The following AMPD1 variants were observed in gnomAD, a reference collection of about 807,000 sequenced individuals.
AMPD1 encodes the protein adenosine monophosphate deaminase 1, also known as AMP deaminase 1.
A neutral mutation model predicts 82.9 loss-of-function variants in AMPD1; 74 were observed. That is an observed-to-expected ratio of 0.89 (90% confidence interval 0.74 to 1.08). The LOEUF is 1.08. Ranked by LOEUF, AMPD1 falls within the 50% of genes least tolerant of loss-of-function variation. AMPD1 has a pLI of 0.00. For synonymous variants in AMPD1, 333 were observed against 320.5 expected (o/e 1.04, Z -0.42); for missense variants, 881 against 924.5 (o/e 0.95, Z 0.61).
At chr1:114,688,005 T>C (rs1658370277) in intron 3 of AMPD1, among the ~76,000 whole-genome samples, 1 of 152,146 alleles carries the variant, frequency 6.6e-6, no homozygotes, top group South Asian at 2.1e-4. Context: ...GTCCTCTTGC[T>C]TAGATGGGTA....
intron 10 of AMPD1, 104 bp from the exon 11 acceptor site, chr1:114,676,107 C>T (rs1018421685): frequency 1.8e-5 from 24 of 1,317,586 alleles, no homozygotes; most frequent in African/African-American, 4.4e-5. Flanking sequence ...CAGGAAAAGA[C>T]GTGGTATATC....
chr1:114,689,209 G>A (rs1658434705), intron 2 of AMPD1, among the ~76,000 whole-genome samples: 1 of 152,184 alleles, frequency 6.6e-6, no homozygotes, highest in Non-Finnish European at 1.5e-5. Context: ...GATCTAAGTA[G>A]TTCTGAGAAA....
Position 114,673,150 on chromosome 1 carries a change from G to T in AMPD1, c.2208C>A (p.Leu736=), listed in dbSNP as rs754006954. 1.9e-6 allele frequency: 3 copies of T among 1,613,898 alleles called. No individual in the cohort carries two copies. The highest frequency in any genetic ancestry group is 3.3e-5 in the Admixed American group (2 of 60,002). ...ATTTAAGACCCTCAGCAATTAAATT[G>T]AGTTCATAACACCAGGTTTCATAGC... ...AYRYETWCYE[L]NLIAEGLKST... The change falls in exon 16 of 16, where the codon CTC becomes CTA. Residue 736 remains leucine (L), a synonymous_variant. Transcript: ENST00000520113.
At chr1:114,694,010 G>A (rs1487803883) in intron 1 of AMPD1, among the ~76,000 whole-genome samples, 1 of 152,074 alleles carries the variant, frequency 6.6e-6, no homozygotes, top group East Asian at 1.9e-4. Context: ...GACCATCCTG[G>A]CTAATACAGA....
chr1:114,681,169 A>G (rs1224253994), intron 5 of AMPD1, among the ~76,000 whole-genome samples: 1 of 152,218 alleles, frequency 6.6e-6, no homozygotes, highest in Non-Finnish European at 1.5e-5. Flanking sequence ...GTCAAACTAC[A>G]GTTAAAAAAA....
intron 14 of AMPD1, 75 bp downstream of exon 14, chr1:114,673,830 CTTTA>C: frequency 1.3e-6 from 2 of 1,584,868 alleles, no homozygotes; most frequent in Non-Finnish European, 1.7e-6. Context: ...AATGAAATAC[CTTTA>C]TTTGACTTTC....
intron 4 of AMPD1, among the ~76,000 whole-genome samples, chr1:114,684,935 T>C (rs966675352): frequency 6.6e-6 from 1 of 152,192 alleles, no homozygotes; most frequent in Non-Finnish European, 1.5e-5. Flanking sequence ...AGAATTTTAT[T>C]TCTGGGTAAA....
At chr1:114,682,640 G>A (rs55838131) in intron 5 of AMPD1, among the ~76,000 whole-genome samples, 6,301 of 150,810 alleles carry the variant, frequency 0.042, 196 homozygotes, top group Non-Finnish European at 0.064. Context: ...GTGCAGTGGC[G>A]CGATCTCAGC....
intron 5 of AMPD1, among the ~76,000 whole-genome samples, chr1:114,680,900 A>G (rs1046237374): frequency 1.3e-5 from 2 of 152,170 alleles, no homozygotes; most frequent in South Asian, 4.1e-4. Flanking sequence ...TCCGGGAGGC[A>G]TACGTTGCAG....
intron 13 of AMPD1, among the ~76,000 whole-genome samples, chr1:114,674,531 G>A (rs1657924092): frequency 6.6e-6 from 1 of 152,190 alleles, no homozygotes; most frequent in South Asian, 2.1e-4. Context: ...GAAGTCAGGA[G>A]ATCTGCGTTA....
chr1:114,676,122 C>T (rs1363277439), intron 10 of AMPD1, 119 bp from the exon 11 acceptor site: 5 of 1,188,398 alleles, frequency 4.2e-6, no homozygotes, highest in Non-Finnish European at 6.1e-6. Context: ...TATATCTATC[C>T]TAGGTCCATG....
intron 1 of AMPD1, among the ~76,000 whole-genome samples, chr1:114,694,112 G>T (rs1422145478): frequency 6.6e-6 from 1 of 152,036 alleles, no homozygotes. Context: ...CCAACTACTC[G>T]GGAGACTGAG....
At position 114,680,284 on chromosome 1, in the gene AMPD1, G is replaced by A. The variant is rs753239588; in HGVS notation, c.742C>T (p.Leu248Phe). ...DTFLDDMNFL[L>F]ALIAQGPVKT... ...ACAGGTCCTTGAGCAATTAAAGCAA[G>A]TAAAAAATTCATATCGTCTAAGAAG... Residue 248 changes from leucine (L) to phenylalanine (F), a missense_variant, in exon 6 of 16, where the codon CTT (leucine) becomes TTT (phenylalanine). Transcript: ENST00000520113. 6.2e-7 allele frequency: 1 copy of A among 1,614,076 alleles called. No individual in the cohort carries two copies. Among genetic ancestry groups the A allele is most frequent in the South Asian group, 1.1e-5 (1 of 91,072 alleles).
intron 15 of AMPD1, 69 bp from the exon 16 acceptor site, chr1:114,673,341 C>G (rs149414790): frequency 6.4e-7 from 1 of 1,566,726 alleles, no homozygotes. Context: ...TAATTGCATT[C>G]TTTACAAAAA....
chr1:114,691,796 G>A (rs1467282333), intron 2 of AMPD1, among the ~76,000 whole-genome samples: 2 of 151,878 alleles, frequency 1.3e-5, no homozygotes, highest in East Asian at 1.9e-4. Context: ...GTGGTGGCAC[G>A]TGCCTGTAAT....
At chr1:114,679,003 G>C (rs1342534434) in intron 7 of AMPD1, among the ~76,000 whole-genome samples, 1 of 152,178 alleles carries the variant, frequency 6.6e-6, no homozygotes, top group Non-Finnish European at 1.5e-5. Context: ...TGTATAGGCA[G>C]CTGAGCCAGG....
In AMPD1 at chr1:114,688,580, T is replaced by G. The variant is rs1658388337; in HGVS notation, c.196A>C (p.Thr66Pro). Reference sequence around the variant, plus strand: ...ACTTACCTCCTGGCTTCTGTGGAGGTGGACAGAGTCTCCAGATGGAATATG... The same window carrying G: ...ACTTACCTCCTGGCTTCTGTGGAGGGGGACAGAGTCTCCAGATGGAATATG... ...AHIFHLETLS[T>P]STEARRKKRF... The change falls in exon 3 of 16, where the codon ACC becomes CCC. Residue 66 changes from threonine (T) to proline (P), a missense_variant. Around this residue, in one of 2 missense-constraint regions of AMPD1, gnomAD observed 783 missense variants for 786.4 expected, o/e 1.00. Transcript: ENST00000520113. 6.2e-7 allele frequency: 1 copy of G among 1,614,006 alleles called. No homozygotes were observed. The highest frequency in any genetic ancestry group is 1.7e-5 in the Admixed American group (1 of 59,998).
At chr1:114,681,164 A>C (rs541494479) in intron 5 of AMPD1, among the ~76,000 whole-genome samples, 12 of 152,308 alleles carry the variant, frequency 7.9e-5, no homozygotes, top group African/African-American at 2.9e-4. Flanking sequence ...TAAAAGTCAA[A>C]CTACAGTTAA....
At position 114,677,529 on chromosome 1, in the gene AMPD1, G is replaced by T; in HGVS notation, c.1225-15C>A. 2 of 1,613,676 alleles carry T rather than the reference G, an allele frequency of 1.2e-6. No homozygotes were observed. Among genetic ancestry groups the T allele is most frequent in the Non-Finnish European group, 1.7e-6 (2 of 1,179,952 alleles). On this transcript the variant is annotated splice_polypyrimidine_tract_variant and intron_variant, in intron 9 of 15. Coordinates refer to ENST00000520113, the MANE Select transcript of AMPD1 (RefSeq NM_000036.3). ...GCACCTACCTCCTGCAAAGCCAAGA[G>T]AGAAGTCCAAGCCAGGGATTCCCAC... is the stretch of plus-strand genomic sequence containing the variant.
Sources: allele counts gnomAD v4.1 joint callset (sites outside exome capture counted in the v4.1 genomes callset), GRCh38; gene constraint gnomAD v4.1.1; regional missense constraint gnomAD v4.1.1; transcripts MANE v1.5; gene names NCBI Gene and HGNC (gene_info 2026-07-23, HGNC 2026-07-21).